RXFP1: variants seen among roughly 807,000 people sequenced by gnomAD.
RXFP1 encodes relaxin receptor 1.
In RXFP1, 73 loss-of-function variants were observed where a neutral mutation model predicts 89.8. The ratio of observed to expected loss-of-function variants is 0.81; its 90% CI spans 0.67 to 0.99. RXFP1 has a LOEUF of 0.99. Ranked by LOEUF, RXFP1 falls within the 50% of genes least tolerant of loss-of-function variation. The pLI is 0.00. For missense variants in RXFP1, 793 were observed against 895.5 expected (o/e 0.89, Z 1.46); for synonymous variants, 277 against 305.5 (o/e 0.91, Z 0.97).
chr4:158,540,376 G>T (rs1014386461), intron 1 of RXFP1, among the ~76,000 whole-genome samples: 1 of 151,888 alleles, frequency 6.6e-6, no homozygotes, highest in Admixed American at 6.6e-5. Flanking sequence ...TTGCCATGGC[G>T]CCTGTAAACT....
At chr4:158,561,635 T>C (rs986653261) in intron 1 of RXFP1, among the ~76,000 whole-genome samples, 25 of 144,396 alleles carry the variant, frequency 1.7e-4, no homozygotes, top group African/African-American at 4.2e-4. Context: ...TCTTTTTTTT[T>C]TTTTTTTTTT....
chr4:158,542,109 A>ATATATATATATATATATATTTTTT lies in RXFP1; in HGVS notation c.49+20085_49+20086insATATATATATATATATATTTTTTT. Among the ~76,000 whole-genome samples, 220 of 35,042 alleles carry ATATATATATATATATATATTTTTT rather than the reference A, an allele frequency of 6.3e-3. 8 individuals carry two copies. The highest frequency in any genetic ancestry group is 7.5e-3 in the Non-Finnish European group (135 of 17,884). The allele number at this position is 35,042 out of a possible 152,430, so 23.0% of individuals were successfully genotyped here. A position where few individuals can be genotyped will look rare whatever the true frequency, so the allele number is the denominator to read the frequency against. On this transcript the variant is annotated intron_variant, in intron 1 of 17. Transcript: ENST00000307765. ...TATATATATATATATATATATATAT[A>ATATATATATATATATATATTTTTT]TTTTTTTTTTAGTAGAGACAGGGTT... is the stretch of plus-strand genomic sequence containing the variant.
intron 2 of RXFP1, among the ~76,000 whole-genome samples, chr4:158,587,910 C>T (rs1422390206): frequency 6.6e-6 from 1 of 152,024 alleles, no homozygotes; most frequent in Non-Finnish European, 1.5e-5. Context: ...AGCATTCAGC[C>T]TCTCTTAAAA....
At chr4:158,535,762 T>C (rs1489098035) in intron 1 of RXFP1, among the ~76,000 whole-genome samples, 2 of 152,254 alleles carry the variant, frequency 1.3e-5, no homozygotes, top group Non-Finnish European at 2.9e-5. Context: ...ACCCTGACTG[T>C]GATAGGACCG....
chr4:158,545,876 G>A (rs1748212469), intron 1 of RXFP1, among the ~76,000 whole-genome samples: 1 of 152,190 alleles, frequency 6.6e-6, no homozygotes, highest in African/African-American at 2.4e-5. Context: ...TTTGAAGTCA[G>A]GTAGCGTGAT....
chr4:158,632,910 G>T (rs772051686), intron 11 of RXFP1, among the ~76,000 whole-genome samples: 1 of 152,166 alleles, frequency 6.6e-6, no homozygotes, highest in Non-Finnish European at 1.5e-5. Flanking sequence ...AGTGGCTCAC[G>T]CCTGTAATCC....
chr4:158,596,224 T>C (rs1041612880), intron 3 of RXFP1, among the ~76,000 whole-genome samples: 1 of 151,862 alleles, frequency 6.6e-6, no homozygotes, highest in East Asian at 1.9e-4. Context: ...CTCAAAACAG[T>C]TTTTTTCTTT....
intron 2 of RXFP1, among the ~76,000 whole-genome samples, chr4:158,592,695 A>T (rs927962864): frequency 6.6e-6 from 1 of 152,218 alleles, no homozygotes; most frequent in African/African-American, 2.4e-5. Context: ...TAATTATTGT[A>T]AAATACTAAG....
intron 17 of RXFP1, among the ~76,000 whole-genome samples, chr4:158,651,048 C>A: frequency 6.6e-6 from 1 of 152,224 alleles, no homozygotes; most frequent in Non-Finnish European, 1.5e-5. Context: ...CGCTTGGGCC[C>A]AGGAGGTCAA....
chr4:158,526,410 T>C (rs1742515569), intron 1 of RXFP1, among the ~76,000 whole-genome samples: 1 of 152,212 alleles, frequency 6.6e-6, no homozygotes, highest in South Asian at 2.1e-4. Flanking sequence ...TACTCTTTCA[T>C]CTTTTTAAAT....
At chr4:158,563,835 A>ATTATAATGTTATAACATTATATT (rs1330552513) in intron 1 of RXFP1, among the ~76,000 whole-genome samples, 3 of 149,408 alleles carry the variant, frequency 2.0e-5, no homozygotes, top group Non-Finnish European at 3.0e-5. Context: ...CCATTATAAC[A>ATTATAATGTTATAACATTATATT]TTATAATGTT....
At chr4:158,569,084 C>T (rs1436933702) in intron 1 of RXFP1, among the ~76,000 whole-genome samples, 1 of 152,068 alleles carries the variant, frequency 6.6e-6, no homozygotes, top group African/African-American at 2.4e-5. Context: ...AATATGTGGC[C>T]AACACAAAAA....
At chr4:158,533,633 T>C (rs1159582481) in intron 1 of RXFP1, among the ~76,000 whole-genome samples, 1 of 152,200 alleles carries the variant, frequency 6.6e-6, no homozygotes, top group African/African-American at 2.4e-5. Flanking sequence ...TAGTCTATCT[T>C]CATTTGGTCG....
At chr4:158,550,060 C>T (rs1371652054) in intron 1 of RXFP1, among the ~76,000 whole-genome samples, 3 of 152,238 alleles carry the variant, frequency 2.0e-5, no homozygotes, top group Non-Finnish European at 2.9e-5. Context: ...GTGGAGCCTA[C>T]AGAGGCAGGC....
intron 11 of RXFP1, 144 bp downstream of exon 11, chr4:158,628,853 A>G (rs1767463214): frequency 2.4e-6 from 1 of 419,710 alleles, no homozygotes; most frequent in East Asian, 3.7e-5. Context: ...TCAAGCCACA[A>G]AGGAATTCAG....
intron 2 of RXFP1, among the ~76,000 whole-genome samples, chr4:158,592,528 A>C (rs1347022708): frequency 6.6e-6 from 1 of 151,954 alleles, no homozygotes; most frequent in African/African-American, 2.4e-5. Flanking sequence ...GAGCCAAGAT[A>C]GTGCCATTGC....
chr4:158,528,891 C>T (rs78775186), intron 1 of RXFP1, among the ~76,000 whole-genome samples: 2 of 152,352 alleles, frequency 1.3e-5, no homozygotes, highest in Admixed American at 6.5e-5. Flanking sequence ...GCTCCTATAA[C>T]CTCTTCTTTC....
intron 1 of RXFP1, among the ~76,000 whole-genome samples, chr4:158,549,601 G>T (rs1166280076): frequency 6.6e-6 from 1 of 152,138 alleles, no homozygotes; most frequent in Non-Finnish European, 1.5e-5. Flanking sequence ...TTTGGTCTTT[G>T]ATGATGGTGA....
intron 10 of RXFP1, among the ~76,000 whole-genome samples, chr4:158,628,005 A>G (rs1279895128): frequency 6.6e-6 from 1 of 152,186 alleles, no homozygotes; most frequent in Non-Finnish European, 1.5e-5. Context: ...TTTGGAGTGC[A>G]GTGAGGAAAT....
Sources: allele counts gnomAD v4.1 joint callset (sites outside exome capture counted in the v4.1 genomes callset), GRCh38; gene constraint gnomAD v4.1.1; transcripts MANE v1.5; gene names NCBI Gene and HGNC (gene_info 2026-07-23, HGNC 2026-07-21).